TMEM71: variants seen among roughly 807,000 people sequenced by gnomAD.
The protein encoded by TMEM71 is transmembrane protein 71.
TMEM71 carries 44 observed loss-of-function variants against 38.0 expected under a neutral mutation model. That is an observed-to-expected ratio of 1.16 (90% CI 0.91 to 1.49). The LOEUF is 1.49. Ranked by LOEUF, TMEM71 falls within the 40% of genes most tolerant of loss-of-function variation. The pLI is 0.00. For synonymous variants in TMEM71, 133 were observed against 122.5 expected (o/e 1.09, Z -0.56); for missense variants, 367 against 348.6 (o/e 1.05, Z -0.42).
intron 5 of TMEM71, among the ~76,000 whole-genome samples, chr8:132,741,865 C>A (rs759469509): frequency 2.4e-4 from 36 of 152,182 alleles, no homozygotes; most frequent in Non-Finnish European, 4.1e-4. Context: ...TCTCTAAACT[C>A]CCCGGGGGAA....
intron 7 of TMEM71, among the ~76,000 whole-genome samples, chr8:132,721,094 G>C (rs140513452): frequency 2.0e-4 from 30 of 152,308 alleles, no homozygotes; most frequent in African/African-American, 7.2e-4. Flanking sequence ...CATTTGAACG[G>C]ATTTTGTAAA....
intron 3 of TMEM71, among the ~76,000 whole-genome samples, chr8:132,753,400 T>C (rs1828833469): frequency 6.6e-6 from 1 of 152,226 alleles, no homozygotes; most frequent in Admixed American, 6.5e-5. Flanking sequence ...TTTCTACATA[T>C]TATGTATTCC....
At chr8:132,755,509 G>A (rs1233940190) in intron 3 of TMEM71, among the ~76,000 whole-genome samples, 1 of 152,156 alleles carries the variant, frequency 6.6e-6, no homozygotes, top group Non-Finnish European at 1.5e-5. Context: ...TTCTTTTCTT[G>A]TGAGGTTACT....
At chr8:132,717,918 G>C (rs1485782609) in intron 7 of TMEM71, among the ~76,000 whole-genome samples, 1 of 152,192 alleles carries the variant, frequency 6.6e-6, no homozygotes, top group Non-Finnish European at 1.5e-5. Flanking sequence ...CCATAGAAAA[G>C]GATGAAGTAC....
At chr8:132,716,786 GTCTC>G (rs1317275385) in intron 7 of TMEM71, among the ~76,000 whole-genome samples, 1 of 152,018 alleles carries the variant, frequency 6.6e-6, no homozygotes, top group South Asian at 2.1e-4. Context: ...CTCTCTCTCT[GTCTC>G]TCTGTCTTTC....
chr8:132,715,209 G>T (rs988300545), intron 7 of TMEM71, among the ~76,000 whole-genome samples: 1 of 151,302 alleles, frequency 6.6e-6, no homozygotes, highest in Non-Finnish European at 1.5e-5. Context: ...GATTGAGACC[G>T]TCCTGGCTAA....
At chr8:132,754,970 GT>G (rs1259948697) in intron 3 of TMEM71, among the ~76,000 whole-genome samples, 1 of 152,136 alleles carries the variant, frequency 6.6e-6, no homozygotes, top group African/African-American at 2.4e-5. Flanking sequence ...TAAATTCATT[GT>G]TCAATAACTG....
chr8:132,759,483 A>G (rs1829212422), intron 1 of TMEM71: 1 of 152,224 alleles, frequency 6.6e-6, no homozygotes, highest in African/African-American at 2.4e-5. Flanking sequence ...TAAAGATAGC[A>G]TACCATTGGG....
chr8:132,767,494 T>TC, the TMEM71 span, among the ~76,000 whole-genome samples: 16 of 151,568 alleles, frequency 1.1e-4, no homozygotes, highest in Non-Finnish European at 1.9e-4. Flanking sequence ...TTTTTTTTTT[T>TC]AGATAGAGTC....
At chr8:132,741,960 C>T (rs1586798597) in intron 5 of TMEM71, among the ~76,000 whole-genome samples, 1 of 152,238 alleles carries the variant, frequency 6.6e-6, no homozygotes, top group Non-Finnish European at 1.5e-5. Flanking sequence ...GTCCACCTGG[C>T]AACGGGCGTC....
intron 4 of TMEM71, among the ~76,000 whole-genome samples, chr8:132,750,052 A>G (rs1237978195): frequency 1.3e-5 from 2 of 151,992 alleles, no homozygotes; most frequent in Non-Finnish European, 2.9e-5. Context: ...AGAAAAGAAA[A>G]AGAAATAAAA....
intron 3 of TMEM71, 64 bp from the exon 4 acceptor site, chr8:132,752,061 T>A: frequency 7.4e-7 from 1 of 1,353,674 alleles, no homozygotes; most frequent in Non-Finnish European, 1.0e-6. Flanking sequence ...AAATAAACCA[T>A]GTCTCATCAC....
At chr8:132,757,607 C>A (rs906137658) in intron 2 of TMEM71, among the ~76,000 whole-genome samples, 12 of 151,998 alleles carry the variant, frequency 7.9e-5, no homozygotes, top group Non-Finnish European at 1.3e-4. Flanking sequence ...GGGCGGATCA[C>A]AAGGTCAGGA....
intron 5 of TMEM71, among the ~76,000 whole-genome samples, chr8:132,732,671 G>A (rs1279172334): frequency 6.6e-6 from 1 of 152,186 alleles, no homozygotes; most frequent in Non-Finnish European, 1.5e-5. Context: ...CATTCTAGGA[G>A]CTGAGTGACT....
chr8:132,755,058 C>T (rs960742484), intron 3 of TMEM71, among the ~76,000 whole-genome samples: 15 of 152,106 alleles, frequency 9.9e-5, no homozygotes, highest in African/African-American at 3.6e-4. Context: ...TCTTCTACAT[C>T]CTTTTGCCTC....
rs763211127 is a variant in TMEM71 at position 132,727,894 on chromosome 8, T to C, written c.580A>G (p.Ile194Val). 23 of 1,614,004 alleles carry C rather than the reference T, an allele frequency of 1.4e-5. No individual in the cohort carries two copies. The highest frequency in any genetic ancestry group is 1.6e-4 in the Middle Eastern group (1 of 6,082). The change falls in exon 6 of 10, where the codon ATA becomes GTA. Residue 194 changes from isoleucine to valine, a missense_variant. Physicochemically the swap from Ile to Val is conservative, Grantham distance 29 (BLOSUM62 3). Transcript: ENST00000677595. ...GAGTTTCCTCCAGGAGGCTGAGATA[T>C]GATGTGGCTGGAAGAGGAGGTGATC... ...SVITSSSSHIISQPPGGNSHS... is the reference protein window; with the variant it reads ...SVITSSSSHIVSQPPGGNSHS...
intron 4 of TMEM71, among the ~76,000 whole-genome samples, chr8:132,748,395 C>T (rs1263020046): frequency 6.6e-6 from 1 of 152,166 alleles, no homozygotes; most frequent in Non-Finnish European, 1.5e-5. Flanking sequence ...TGAGAAGAGG[C>T]TAGAGATGCC....
At chr8:132,751,054 CT>C (rs1016097219) in intron 4 of TMEM71, among the ~76,000 whole-genome samples, 1 of 152,188 alleles carries the variant, frequency 6.6e-6, no homozygotes, top group Non-Finnish European at 1.5e-5. Flanking sequence ...ACTACCCATC[CT>C]TTCCATAGCA....
chr8:132,706,761 G>A (rs1443534987), downstream of TMEM71, among the ~76,000 whole-genome samples: 1 of 152,126 alleles, frequency 6.6e-6, no homozygotes, highest in Non-Finnish European at 1.5e-5. Context: ...GACGGTAGAT[G>A]TTTCCTTGCA....
Sources: allele counts gnomAD v4.1 joint callset (sites outside exome capture counted in the v4.1 genomes callset), GRCh38; gene constraint gnomAD v4.1.1; transcripts MANE v1.5; gene names NCBI Gene and HGNC (gene_info 2026-07-23, HGNC 2026-07-21).